Variants in PDZD2 observed in about 807,000 individuals in gnomAD.
PDZD2 encodes the protein PDZ domain-containing protein 2.
In PDZD2, 90 loss-of-function variants were observed where a neutral mutation model predicts 220.7. That is an observed-to-expected ratio of 0.41 (90% CI 0.34 to 0.49). The LOEUF (loss-of-function observed/expected upper bound fraction) is 0.49. Ranked by LOEUF, PDZD2 falls within the 20% of genes least tolerant of loss-of-function variation. The pLI is 0.28. For synonymous variants in PDZD2, 1,375 were observed against 1,450.5 expected (o/e 0.95, Z 1.18); for missense variants, 3,174 against 3,608.5 (o/e 0.88, Z 3.08).
In PDZD2 at chr5:31,746,201, A is replaced by C. The variant is rs1750596671; in HGVS notation, c.-360-52688A>C. On this transcript the variant is annotated intron_variant, in intron 1 of 24. Transcript: ENST00000438447. The stretch of plus-strand genomic sequence containing the variant: ...CCAAGACAAATGCCCAGGTTCAACC[A>C]GGGCAGCATTTTTATGGCTCTGCCT... Among the ~76,000 whole-genome samples, 3 of 152,236 alleles carry C rather than the reference A, an allele frequency of 2.0e-5. No individual in the cohort carries two copies. In the South Asian group the frequency reaches 6.2e-4, roughly 31 times the overall value.
At chr5:31,796,981 G>A (rs1754072577) in intron 1 of PDZD2, among the ~76,000 whole-genome samples, 1 of 150,344 alleles carries the variant, frequency 6.7e-6, no homozygotes, top group South Asian at 2.1e-4. Flanking sequence ...AGGCTGGAGT[G>A]CAGTGGCGAG....
intron 14 of PDZD2, among the ~76,000 whole-genome samples, chr5:32,067,502 C>T (rs1418970364): frequency 2.0e-5 from 3 of 152,022 alleles, no homozygotes; most frequent in Admixed American, 1.3e-4. Flanking sequence ...TCCTGTGAAG[C>T]CTACCGTAAA....
chr5:31,989,795 T>C (rs562933769), intron 3 of PDZD2, among the ~76,000 whole-genome samples: 1 of 152,290 alleles, frequency 6.6e-6, no homozygotes, highest in African/African-American at 2.4e-5. Flanking sequence ...ATCTTTGCTA[T>C]TGTGAATAGT....
In PDZD2 at chr5:31,799,665, G is replaced by A; in HGVS notation, c.417G>A (p.Arg139=). 6.2e-7 allele frequency: 1 copy of A among 1,614,112 alleles called. No homozygotes were observed. The part of the protein sequence containing the change: ...PAGKSGKVRL[R]DEILSLNGQL... ...GGAAGAGTGGGAAGGTCCGACTGCGGGATGAGATCCTCTCACTGAATGGGC... is the reference window on the plus strand; with the variant it reads ...GGAAGAGTGGGAAGGTCCGACTGCGAGATGAGATCCTCTCACTGAATGGGC... The change falls in exon 2 of 25, where the codon CGG becomes CGA. Residue 139 remains arginine (R), a synonymous_variant. Coordinates refer to ENST00000438447, the MANE Select transcript of PDZD2 (RefSeq NM_178140.4).
rs926760975 is a variant in PDZD2, at chr5:31,658,270, G to A, written c.-361+18833G>A. On this transcript the variant is annotated intron_variant, in intron 1 of 24. Transcript: ENST00000438447. ...CTGTCTCCTCCCTCCCTCTCAGCAA[G>A]GAATCTTCATATTTTCTTCACAGAG... 5.3e-5 allele frequency among the ~76,000 whole-genome samples: 8 copies of A among 152,016 alleles called. No individual in the cohort carries two copies. The East Asian group carries it at 1.5e-3, about 29-fold the overall frequency.
chr5:31,687,475 G>A (rs1265294080), intron 1 of PDZD2, among the ~76,000 whole-genome samples: 3 of 151,936 alleles, frequency 2.0e-5, no homozygotes, highest in Non-Finnish European at 4.4e-5. Context: ...TTCAGTTTAC[G>A]TCGATCTAGG....
intron 6 of PDZD2, among the ~76,000 whole-genome samples, chr5:32,022,800 CTA>C (rs945897230): frequency 1.3e-5 from 2 of 152,162 alleles, no homozygotes; most frequent in African/African-American, 4.8e-5. Context: ...TAGTTTCAGA[CTA>C]TGGAATTTTG....
chr5:32,096,088 A>G (rs1462274627), intron 21 of PDZD2, among the ~76,000 whole-genome samples: 1 of 152,028 alleles, frequency 6.6e-6, no homozygotes, highest in Non-Finnish European at 1.5e-5. Context: ...CCCATAAGAC[A>G]TTGAAATATC....
intron 2 of PDZD2, among the ~76,000 whole-genome samples, chr5:31,837,978 G>C (rs1404489253): frequency 6.6e-6 from 1 of 152,138 alleles, no homozygotes; most frequent in Non-Finnish European, 1.5e-5. Context: ...ATATACACAT[G>C]GTATCTGTAA....
intron 2 of PDZD2, among the ~76,000 whole-genome samples, chr5:31,905,580 A>G (rs1742571944): frequency 6.6e-6 from 1 of 152,218 alleles, no homozygotes; most frequent in Non-Finnish European, 1.5e-5. Context: ...CTGGTCAAAC[A>G]TTAAATATAG....
intron 1 of PDZD2, among the ~76,000 whole-genome samples, chr5:31,751,242 CAAAA>C (rs545923936): frequency 8.4e-5 from 11 of 131,574 alleles, no homozygotes; most frequent in African/African-American, 1.1e-4. Context: ...AGTACATCTC[CAAAA>C]AAAAAAAAAA....
At position 31,686,223 on chromosome 5, in the gene PDZD2, C is replaced by CA. The variant is rs938970518; in HGVS notation, c.-361+46797dup. Among the ~76,000 whole-genome samples, 426 of 139,450 alleles carry CA rather than the reference C, an allele frequency of 3.1e-3. 1 individual carries two copies. The highest frequency in any genetic ancestry group is 9.7e-3 in the African/African-American group (368 of 37,748). The allele number at this position is 139,450 out of a possible 152,430, so 91.5% of individuals were successfully genotyped here. On this transcript the variant is annotated intron_variant, in intron 1 of 24. Coordinates refer to ENST00000438447, the MANE Select transcript of PDZD2 (RefSeq NM_178140.4). ...TGGGCGACAGAGCGAGTCTCCGTCTCAAAAAAAAAAATAGCCATAATACCA... is the reference window on the plus strand; with the variant it reads ...TGGGCGACAGAGCGAGTCTCCGTCTCAAAAAAAAAAAATAGCCATAATACCA...
At chr5:31,679,837 C>G (rs1746584009) in intron 1 of PDZD2, among the ~76,000 whole-genome samples, 1 of 152,124 alleles carries the variant, frequency 6.6e-6, no homozygotes, top group South Asian at 2.1e-4. Context: ...GAAGGTTCCC[C>G]CTGGAGGTTA....
At chr5:31,782,377 T>C (rs1753107633) in intron 1 of PDZD2, among the ~76,000 whole-genome samples, 1 of 152,192 alleles carries the variant, frequency 6.6e-6, no homozygotes, top group Non-Finnish European at 1.5e-5. Flanking sequence ...CTGGGAGCTA[T>C]ACATTCTTAT....
At chr5:31,800,934 G>A (rs1272243808) in intron 2 of PDZD2, among the ~76,000 whole-genome samples, 1 of 152,158 alleles carries the variant, frequency 6.6e-6, no homozygotes, top group African/African-American at 2.4e-5. Flanking sequence ...GAGAACCAGA[G>A]CAGAAATACC....
chr5:32,008,139 A>G (rs978491980), intron 5 of PDZD2, among the ~76,000 whole-genome samples: 13 of 78,392 alleles, frequency 1.7e-4, no homozygotes, highest in African/African-American at 7.5e-4. Flanking sequence ...AATAATAAAA[A>G]TAAATAAATA....
rs1745056889 is a variant in PDZD2, at chr5:32,108,750, A to G, written c.*615A>G. 1 of 152,686 alleles carries G rather than the reference A, an allele frequency of 6.5e-6. No homozygotes were observed. Among genetic ancestry groups the G allele is most frequent in the African/African-American group, 2.4e-5 (1 of 41,460 alleles). The allele number at this position is 152,686 out of a possible 1,614,324, so 9.5% of individuals were successfully genotyped here. A position where few individuals can be genotyped will look rare whatever the true frequency, so the allele number is the denominator to read the frequency against. ...AAGGAAAAAGCAAAATAATTAATTG[A>G]GAGTATTTTTTAGTGAGTGTAATGT... On this transcript the variant is annotated 3_prime_UTR_variant, in exon 25 of 25. Transcript: ENST00000438447.
intron 15 of PDZD2, among the ~76,000 whole-genome samples, chr5:32,070,453 C>A (rs2112383894): frequency 6.6e-6 from 1 of 152,212 alleles, no homozygotes; most frequent in South Asian, 2.1e-4. Flanking sequence ...TCTCATAATC[C>A]CAGCATTTCC....
At chr5:31,931,828 C>T (rs759021674) in intron 2 of PDZD2, among the ~76,000 whole-genome samples, 6 of 151,368 alleles carry the variant, frequency 4.0e-5, no homozygotes, top group African/African-American at 2.4e-5. Context: ...TGTATGCTGC[C>T]GGCGTTGTGT....
Sources: gnomAD v4.1 joint callset for allele counts (sites outside exome capture counted in the v4.1 genomes callset) on GRCh38, gnomAD v4.1.1 for gene constraint, MANE v1.5 for transcripts, NCBI Gene and HGNC (gene_info 2026-07-23, HGNC 2026-07-21) for gene names.